Variants in COL4A3 observed in about 807,000 individuals in gnomAD.
COL4A3 encodes the protein collagen type IV alpha 3 chain.
Under a neutral mutation model 217.4 loss-of-function variants are expected in COL4A3, and 135 were observed. That is an observed-to-expected ratio of 0.62 (90% CI 0.54 to 0.72). COL4A3 has a LOEUF of 0.72. Ranked by LOEUF, COL4A3 falls within the 30% of genes least tolerant of loss-of-function variation. The probability of loss-of-function intolerance (pLI) is 0.00; values close to 1 mark genes in which losing one functional copy is unlikely to be tolerated. For missense variants in COL4A3, 1,868 were observed against 2,119.9 expected, an observed-to-expected ratio of 0.88 and a Z score of 2.33; for synonymous variants, 690 against 736.3, an observed-to-expected ratio of 0.94 and a Z score of 1.02.
chr2:227,234,963 C>A (rs1339749595), intron 1 of COL4A3, among the ~76,000 whole-genome samples: 1 of 152,194 alleles, frequency 6.6e-6, no homozygotes, highest in Non-Finnish European at 1.5e-5. Flanking sequence ...GATCATTGCC[C>A]ATTTGAAAAC....
intron 1 of COL4A3, among the ~76,000 whole-genome samples, chr2:227,234,860 T>G (rs1161513059): frequency 6.6e-6 from 1 of 152,202 alleles, no homozygotes; most frequent in Non-Finnish European, 1.5e-5. Context: ...TCTCACAGGT[T>G]AGAGAATTGC....
intron 9 of COL4A3, among the ~76,000 whole-genome samples, chr2:227,249,437 T>C (rs1258810427): frequency 1.3e-5 from 2 of 150,652 alleles, no homozygotes; most frequent in Admixed American, 6.6e-5. Flanking sequence ...GGTTTCACCA[T>C]GTTGGCCAGG....
intron 47 of COL4A3, among the ~76,000 whole-genome samples, chr2:227,307,112 C>T (rs369379587): frequency 6.6e-5 from 10 of 151,796 alleles, no homozygotes; most frequent in Middle Eastern, 3.2e-3. Context: ...TGTACAGAAA[C>T]GATTTACTTT....
At chr2:227,306,347 C>T (rs929043591) in intron 47 of COL4A3, among the ~76,000 whole-genome samples, 2 of 152,186 alleles carry the variant, frequency 1.3e-5, no homozygotes, top group African/African-American at 4.8e-5. Flanking sequence ...TACAGAAATG[C>T]ATTGGATATC....
At chr2:227,198,397 T>C (rs2066563127) in intron 1 of COL4A3, among the ~76,000 whole-genome samples, 1 of 152,206 alleles carries the variant, frequency 6.6e-6, no homozygotes, top group Non-Finnish European at 1.5e-5. Flanking sequence ...AATTCAAATA[T>C]AGTATATCAT....
At chr2:227,200,147 AT>A (rs761241479) in intron 1 of COL4A3, among the ~76,000 whole-genome samples, 50 of 152,042 alleles carry the variant, frequency 3.3e-4, no homozygotes, top group Non-Finnish European at 6.5e-4. Context: ...ATCTTATGAT[AT>A]TTCTTTTTGT....
chr2:227,220,547 A>G (rs2067737586), intron 1 of COL4A3, among the ~76,000 whole-genome samples: 1 of 151,594 alleles, frequency 6.6e-6, no homozygotes, highest in Non-Finnish European at 1.5e-5. Context: ...GCAGCCTCCA[A>G]CTCCTGGGCT....
At chr2:227,277,967 T>A (rs565379752) in intron 28 of COL4A3, among the ~76,000 whole-genome samples, 40 of 152,278 alleles carry the variant, frequency 2.6e-4, no homozygotes, top group African/African-American at 9.1e-4. Context: ...AAAAATCTTA[T>A]AATAATGTTA....
chr2:227,166,297 C>T (rs1559787549), intron 1 of COL4A3, among the ~76,000 whole-genome samples: 1 of 152,186 alleles, frequency 6.6e-6, no homozygotes, highest in Admixed American at 6.5e-5. Context: ...TGCTACTAGG[C>T]ATGATAGATA....
At position 227,244,336 on chromosome 2, in the gene COL4A3, C is replaced by T; in HGVS notation, c.251C>T (p.Pro84Leu). 1 of 1,613,896 alleles carries T rather than the reference C, an allele frequency of 6.2e-7. No homozygotes were observed. ...TGAATCTAGGGCTTTCCAGGACTTC[C>T]AGGACTCACGGGTTCCAAAGGTGTA... ...PQGPKGFPGLPGLTGSKGVRG... is the reference protein window; with the variant it reads ...PQGPKGFPGLLGLTGSKGVRG... Residue 84 changes from proline (P) to leucine (L), a missense_variant, in exon 4 of 52, where the codon CCA becomes CTA. Pro to Leu is a moderately conservative substitution (Grantham distance 98). Around this residue, in one of 2 missense-constraint regions of COL4A3, gnomAD observed 365 missense variants for 333.8 expected, o/e 1.09. Coordinates refer to ENST00000396578, the MANE Select transcript of COL4A3 (RefSeq NM_000091.5).
chr2:227,200,274 T>C (rs944386836), intron 1 of COL4A3, among the ~76,000 whole-genome samples: 5 of 152,240 alleles, frequency 3.3e-5, no homozygotes, highest in African/African-American at 1.2e-4. Flanking sequence ...TGATTTTCCA[T>C]TAGAACATTC....
At chr2:227,310,445 T>C (rs1574843938) in intron 50 of COL4A3, among the ~76,000 whole-genome samples, 1 of 152,166 alleles carries the variant, frequency 6.6e-6, no homozygotes, top group East Asian at 1.9e-4. Context: ...GCCTCCTGAG[T>C]AGCTTGGACT....
At position 227,254,160 on chromosome 2, in the gene COL4A3, C is replaced by A; in HGVS notation, c.814C>A (p.Pro272Thr). Residue 272 changes from proline to threonine, a missense_variant, in exon 14 of 52, where the codon CCT becomes ACT. Physicochemically the swap from Pro to Thr is conservative, Grantham distance 38 (BLOSUM62 -1). Coordinates refer to ENST00000396578, the MANE Select transcript of COL4A3 (RefSeq NM_000091.5). Reference protein sequence around the residue: ...GDKGAMGEPGPPGPSGLPGES... With the variant: ...GDKGAMGEPGTPGPSGLPGES... ...CAAGGGAGCAATGGGCGAGCCTGGA[C>A]CTCCTGGACCCTCAGTAGGTTATTT... 1 of 1,613,822 alleles carries A rather than the reference C, an allele frequency of 6.2e-7. No individual in the cohort carries two copies. Among genetic ancestry groups the A allele is most frequent in the South Asian group, 1.1e-5 (1 of 91,062 alleles).
chr2:227,261,203 T>C (rs1004482554), intron 20 of COL4A3, 86 bp downstream of exon 20: 1 of 1,179,852 alleles, frequency 8.5e-7, no homozygotes, highest in Non-Finnish European at 1.3e-6. Flanking sequence ...ATTATTTACA[T>C]AAGACAAATG....
intron 9 of COL4A3, among the ~76,000 whole-genome samples, chr2:227,249,226 A>ATTTT (rs1225037194): frequency 1.7e-4 from 4 of 24,192 alleles, no homozygotes; most frequent in African/African-American, 4.2e-4. Context: ...ATATATATAT[A>ATTTT]TATATTTTTT....
At position 227,279,846 on chromosome 2, in the gene COL4A3, G is replaced by A; in HGVS notation, c.2179G>A (p.Gly727Arg). Residue 727 changes from glycine (G) to arginine (R), a missense_variant, in exon 29 of 52, where the codon GGA (glycine) becomes AGA (arginine). Coordinates refer to ENST00000396578, the MANE Select transcript of COL4A3 (RefSeq NM_000091.5). ...ATCACTGGGTTGTCCTGGAAAAATGGGAGAGCCTGGGTTACCTGGAAAGCC... is the reference window on the plus strand; with the variant it reads ...ATCACTGGGTTGTCCTGGAAAAATGAGAGAGCCTGGGTTACCTGGAAAGCC... ...KGSLGCPGKM[G>R]EPGLPGKPGL... 6.2e-7 allele frequency: 1 copy of A among 1,610,300 alleles called. No individual in the cohort carries two copies. The highest frequency in any genetic ancestry group is 1.7e-5 in the Admixed American group (1 of 59,596).
At chr2:227,230,432 T>C (rs1013175199) in intron 1 of COL4A3, among the ~76,000 whole-genome samples, 2 of 152,288 alleles carry the variant, frequency 1.3e-5, no homozygotes, top group East Asian at 3.9e-4. Context: ...GAGGAAACTA[T>C]GGGGTAATTT....
Position 227,253,134 on chromosome 2 carries a change from AC to A in COL4A3, c.646-161del, listed in dbSNP as rs2069886102. On this transcript the variant is annotated intron_variant, in intron 11 of 51. Transcript: ENST00000396578. This position sits in a 1 kb window ranked among gnomAD's most constrained non-coding sequence, Gnocchi z 4.4. ...CTTAAGAGCTCCTCCTTTAAAAGAA[AC>A]ATATCAATGCTCTTCTCTAAGAAAT... is the stretch of plus-strand genomic sequence containing the variant. 6.6e-6 allele frequency among the ~76,000 whole-genome samples: 1 copy of A among 152,224 alleles called. No homozygotes were observed.
chr2:227,297,534 T>C, intron 41 of COL4A3, 140 bp from the exon 42 acceptor site: 1 of 766,394 alleles, frequency 1.3e-6, no homozygotes. Context: ...CAGCAATATA[T>C]TATAAAATAT....
Sources: gnomAD v4.1 joint callset for allele counts (sites outside exome capture counted in the v4.1 genomes callset) on GRCh38, gnomAD v4.1.1 for gene constraint, gnomAD v4.1.1 regional missense constraint, Gnocchi (gnomAD v3.1) non-coding constraint, MANE v1.5 for transcripts, NCBI Gene and HGNC (gene_info 2026-07-23, HGNC 2026-07-21) for gene names.